Variants in GRIK4 observed in about 807,000 individuals in gnomAD.
GRIK4 encodes glutamate receptor ionotropic, kainate 4.
GRIK4 carries 40 observed loss-of-function variants against 104.9 expected under a neutral mutation model. That is an observed-to-expected ratio of 0.38 (90% CI 0.30 to 0.50). GRIK4 has a LOEUF of 0.50. Among genes scored for constraint, GRIK4 ranks in the 20% least tolerant of loss-of-function variants. The pLI, the probability that GRIK4 is intolerant of heterozygous loss-of-function variation, is 0.93. For synonymous variants in GRIK4, 485 were observed against 524.9 expected, an observed-to-expected ratio of 0.92 and a Z score of 1.04; for missense variants, 1,047 against 1,308.1, an observed-to-expected ratio of 0.80 and a Z score of 3.08.
chr11:120,980,047 G>A (rs1404914787), intron 19 of GRIK4, among the ~76,000 whole-genome samples: 1 of 152,160 alleles, frequency 6.6e-6, no homozygotes, highest in Non-Finnish European at 1.5e-5. Flanking sequence ...TGATGGCCAG[G>A]CTGGTCTCGA....
chr11:120,719,425 C>T (rs777391654), intron 3 of GRIK4, among the ~76,000 whole-genome samples: 1 of 152,286 alleles, frequency 6.6e-6, no homozygotes, highest in Middle Eastern at 3.4e-3. Flanking sequence ...AGATTCAAAT[C>T]GGCTCTGATA....
intron 3 of GRIK4, among the ~76,000 whole-genome samples, chr11:120,726,543 A>G (rs1271073843): frequency 1.3e-5 from 2 of 152,238 alleles, no homozygotes; most frequent in Admixed American, 1.3e-4. Flanking sequence ...TATGGACATG[A>G]TTAATTTTGG....
intron 1 of GRIK4, among the ~76,000 whole-genome samples, chr11:120,532,209 G>A (rs533510545): frequency 1.3e-5 from 2 of 152,248 alleles, no homozygotes; most frequent in South Asian, 4.1e-4. Context: ...CTCCTCCCTA[G>A]CCCCCAAAGT....
At chr11:120,646,618 A>G (rs756325958) in intron 1 of GRIK4, among the ~76,000 whole-genome samples, 3 of 152,230 alleles carry the variant, frequency 2.0e-5, no homozygotes, top group Non-Finnish European at 2.9e-5. Flanking sequence ...TTAATCAATC[A>G]TACACTTATT....
At chr11:120,815,676 G>A (rs144837345) in intron 5 of GRIK4, among the ~76,000 whole-genome samples, 18 of 152,330 alleles carry the variant, frequency 1.2e-4, no homozygotes, top group South Asian at 6.2e-4. Flanking sequence ...CGGAGGAGGT[G>A]TTTGACAGCA....
chr11:120,763,887 G>A (rs1591882491), intron 3 of GRIK4, among the ~76,000 whole-genome samples: 1 of 152,200 alleles, frequency 6.6e-6, no homozygotes, highest in Admixed American at 6.5e-5. Context: ...TTTAGAATAA[G>A]TGCTATGTGG....
intron 3 of GRIK4, among the ~76,000 whole-genome samples, chr11:120,668,956 G>T (rs1444406280): frequency 6.6e-6 from 1 of 152,184 alleles, no homozygotes; most frequent in Non-Finnish European, 1.5e-5. Flanking sequence ...TGCTATGAAA[G>T]TGACATCTGT....
chr11:120,535,985 T>C (rs11827023), intron 1 of GRIK4, among the ~76,000 whole-genome samples: 46,871 of 152,132 alleles, frequency 0.31, 8,122 homozygotes, highest in Non-Finnish European at 0.4. Flanking sequence ...CATGCTGGGC[T>C]CAAGCCAGGG....
At position 120,937,033 on chromosome 11, in the gene GRIK4, T is replaced by C. The variant is rs186355405; in HGVS notation, c.1477-3314T>C. 3.9e-5 allele frequency among the ~76,000 whole-genome samples: 6 copies of C among 152,248 alleles called. No homozygotes were observed. The East Asian group carries it at 5.8e-4, about 15-fold the overall frequency. On this transcript the variant is annotated intron_variant, in intron 13 of 20. Transcript: ENST00000527524. ...ATCTGAAGGCTGCTTTATAGCATAA[T>C]GTCTTTTTTTTGTTTTGTTTTTAAG...
chr11:120,935,298 G>A (rs567908846), intron 13 of GRIK4, among the ~76,000 whole-genome samples: 2 of 152,248 alleles, frequency 1.3e-5, no homozygotes, highest in South Asian at 2.1e-4. Flanking sequence ...GGTTTAAAAT[G>A]TTAAAACTTT....
chr11:120,841,173 A>G (rs912122541), intron 8 of GRIK4, among the ~76,000 whole-genome samples: 16 of 152,090 alleles, frequency 1.1e-4, no homozygotes, highest in Non-Finnish European at 2.9e-5. Flanking sequence ...CATGAAGTAC[A>G]TCCACATTGT....
rs202069135 is a variant in GRIK4, at chr11:120,878,612, CG to C, written c.1164+3370del. Reference sequence around the variant, plus strand: ...GATGGTGATCATTCTCTTTATGCCCCGCCCCCCCCCCTTTTTTCAACAAATC... The same window carrying C: ...GATGGTGATCATTCTCTTTATGCCCCCCCCCCCCCCTTTTTTCAACAAATC... On this transcript the variant is annotated intron_variant, in intron 11 of 20. Transcript: ENST00000527524. Among the ~76,000 whole-genome samples the C allele has an allele frequency of 3.8e-3, 94 of 25,058 alleles. 1 individual carries two copies. In the East Asian group the frequency reaches 0.12, roughly 32 times the overall value. 16.4% of individuals were successfully genotyped at this position (25,058 alleles called of 152,430 possible).
intron 12 of GRIK4, among the ~76,000 whole-genome samples, chr11:120,904,433 A>C (rs1244987624): frequency 6.6e-6 from 1 of 152,108 alleles, no homozygotes; most frequent in Non-Finnish European, 1.5e-5. Context: ...CTCCAATCCA[A>C]CCTGCAGCCC....
chr11:120,542,432 C>T (rs778520593), intron 1 of GRIK4, among the ~76,000 whole-genome samples: 9 of 152,032 alleles, frequency 5.9e-5, no homozygotes, highest in Non-Finnish European at 1.2e-4. Context: ...AGCATATGCA[C>T]CAAAAGCAAA....
intron 14 of GRIK4, among the ~76,000 whole-genome samples, chr11:120,949,619 G>T (rs374237660): frequency 1.3e-5 from 2 of 152,214 alleles, no homozygotes; most frequent in Admixed American, 1.3e-4. Context: ...AAGGGGGTGT[G>T]TAGGTTGAGA....
At chr11:120,827,184 C>T (rs1024037019) in intron 6 of GRIK4, among the ~76,000 whole-genome samples, 2 of 152,096 alleles carry the variant, frequency 1.3e-5, no homozygotes, top group African/African-American at 4.8e-5. Flanking sequence ...ATACAAGGGT[C>T]CTCTGTGTCC....
At chr11:120,858,215 G>A (rs1954169601) in intron 8 of GRIK4, 1 of 152,202 alleles carries the variant, frequency 6.6e-6, no homozygotes, top group Non-Finnish European at 1.5e-5. Context: ...CATAATGGGA[G>A]CCTAAGTGAG....
chr11:120,703,891 A>G (rs78833944), intron 3 of GRIK4, among the ~76,000 whole-genome samples: 2,733 of 152,290 alleles, frequency 0.018, 73 homozygotes, highest in East Asian at 0.13. Context: ...CGTCTTGATC[A>G]TCTTTGGTAG....
intron 14 of GRIK4, among the ~76,000 whole-genome samples, chr11:120,949,514 C>T (rs1429156488): frequency 6.6e-6 from 1 of 152,144 alleles, no homozygotes; most frequent in African/African-American, 2.4e-5. Flanking sequence ...TCACAGTCAA[C>T]AGAGACGTGT....
Sources: gnomAD v4.1 joint callset for allele counts (sites outside exome capture counted in the v4.1 genomes callset) on GRCh38, gnomAD v4.1.1 for gene constraint, MANE v1.5 for transcripts, NCBI Gene and HGNC (gene_info 2026-07-23, HGNC 2026-07-21) for gene names.